The following ANGPTL5 variants were observed in gnomAD, a reference collection of about 807,000 sequenced individuals.
ANGPTL5 encodes angiopoietin like 5.
In ANGPTL5, 34 loss-of-function variants were observed where a neutral mutation model predicts 39.4. That is an observed-to-expected ratio of 0.86 (90% CI 0.66 to 1.15). The LOEUF is 1.15. ANGPTL5 is among the 50% of genes most tolerant of loss of function. The pLI is 0.00. For missense variants in ANGPTL5, 467 were observed against 457.5 expected (o/e 1.02, Z -0.19); for synonymous variants, 146 against 152.1 (o/e 0.96, Z 0.29).
chr11:101,906,164 T>C (rs1939994197), intron 3 of ANGPTL5, among the ~76,000 whole-genome samples: 1 of 152,144 alleles, frequency 6.6e-6, no homozygotes. Context: ...ATGAGATATA[T>C]AGAGGCAGGA....
chr11:101,914,556 G>A (rs1340065141), intron 1 of ANGPTL5, among the ~76,000 whole-genome samples: 2 of 152,216 alleles, frequency 1.3e-5, no homozygotes, highest in East Asian at 1.9e-4. Flanking sequence ...GCATTACCGA[G>A]TGGATGAGAG....
At chr11:101,901,758 G>C (rs1469286555) in intron 6 of ANGPTL5, among the ~76,000 whole-genome samples, 1 of 151,858 alleles carries the variant, frequency 6.6e-6, no homozygotes, top group Non-Finnish European at 1.5e-5. Flanking sequence ...CCAATTTTTT[G>C]ACATCTTGTC....
At chr11:101,907,571 T>C (rs1234767896) in intron 2 of ANGPTL5, among the ~76,000 whole-genome samples, 5 of 152,150 alleles carry the variant, frequency 3.3e-5, no homozygotes, top group Non-Finnish European at 7.4e-5. Flanking sequence ...TGTGGGCTAG[T>C]TTTTAATCTA....
chr11:101,907,292 G>A (rs1207275014), intron 2 of ANGPTL5, 45 bp from the exon 3 acceptor site: 1 of 1,205,492 alleles, frequency 8.3e-7, no homozygotes, highest in South Asian at 1.5e-5. Context: ...CATTAAACAT[G>A]TTATATGACC....
At position 101,902,653 on chromosome 11, in the gene ANGPTL5, T is replaced by C. The variant is rs1939925296; in HGVS notation, c.508A>G (p.Ile170Val). The C allele has an allele frequency of 1.2e-6, 2 of 1,610,500 alleles. No homozygotes were observed. Among genetic ancestry groups the C allele is most frequent in the South Asian group, 1.1e-5 (1 of 90,876 alleles). Reference protein sequence around the residue: ...VTKTPSGLYIIHPEGSSYPFE... With the variant: ...VTKTPSGLYIVHPEGSSYPFE... The stretch of plus-strand genomic sequence containing the variant: ...GGGTAGCTAGATCCTTCTGGGTGAA[T>C]TATGTATAAACCACTCGGTGTTTTG... The change falls in exon 6 of 9, where the codon ATT becomes GTT. Residue 170 changes from isoleucine to valine, a missense_variant. Ile to Val is a conservative substitution (Grantham distance 29). Transcript: ENST00000334289.
rs1241606976 is a variant in ANGPTL5, at chr11:101,891,344, A to G, written c.1102T>C (p.Ser368Pro). 1 of 1,613,984 alleles carries G rather than the reference A, an allele frequency of 6.2e-7. No individual in the cohort carries two copies. The highest frequency in any genetic ancestry group is 8.5e-7 in the Non-Finnish European group (1 of 1,179,942). Residue 368 changes from serine (S) to proline (P), a missense_variant, in exon 9 of 9, where the codon TCA (serine) becomes CCA (proline). Physicochemically the swap from Ser to Pro is moderately conservative, Grantham distance 74. Transcript: ENST00000334289. The stretch of plus-strand genomic sequence containing the variant: ...GAAACAGATTTAATCTTGACAGGTG[A>G]GTTGTTTTTGGTCCACGTGCCCCAT... Reference protein sequence around the residue: ...IQWGTWTKNNSPVKIKSVSMK... With the variant: ...IQWGTWTKNNPPVKIKSVSMK...
At chr11:101,892,993 C>T (rs1939728714) in intron 8 of ANGPTL5, among the ~76,000 whole-genome samples, 2 of 152,254 alleles carry the variant, frequency 1.3e-5, no homozygotes, top group South Asian at 4.1e-4. Flanking sequence ...CAGTGTGATA[C>T]TTTTCCAAAG....
chr11:101,895,964 G>C (rs1939784072), intron 7 of ANGPTL5, among the ~76,000 whole-genome samples: 1 of 151,918 alleles, frequency 6.6e-6, no homozygotes, highest in Non-Finnish European at 1.5e-5. Flanking sequence ...GAGCTCACAG[G>C]GGCAGACATT....
chr11:101,897,294 A>G (rs566036199), intron 7 of ANGPTL5, among the ~76,000 whole-genome samples: 23 of 151,684 alleles, frequency 1.5e-4, no homozygotes, highest in Non-Finnish European at 3.2e-4. Context: ...ATTTTCTCCC[A>G]CTCTGCAGGT....
rs772847823 is a variant in ANGPTL5, at chr11:101,895,035, A to G, written c.691T>C (p.Phe231Leu). The G allele has an allele frequency of 6.2e-7, 1 of 1,604,172 alleles. No homozygotes were observed. The highest frequency in any genetic ancestry group is 1.1e-5 in the South Asian group (1 of 88,572). Residue 231 changes from phenylalanine (F) to leucine (L), a missense_variant, in exon 8 of 9, where the codon TTT becomes CTT. Transcript: ENST00000334289. ...GEFWLGLKKI[F>L]YIVNQKNTSF... ...GTATTTTTCTGATTTACTATATAAA[A>G]AATCTTTTTCAGTCCTAGCCAAAAT... is the stretch of plus-strand genomic sequence containing the variant.
In ANGPTL5 at chr11:101,914,872, A is replaced by G. The variant is rs534465202; in HGVS notation, c.-93+1147T>C. ...ACACTCAGCTCACCCCTCGCGCAAC[A>G]ACCCGGGTCCCTAGGGATGCTTGGG... is the stretch of plus-strand genomic sequence containing the variant. On this transcript the variant is annotated intron_variant, in intron 1 of 8. Transcript: ENST00000334289. The G allele has an allele frequency of 1.7e-5, 3 of 177,034 alleles. No homozygotes were observed. In the South Asian group the frequency reaches 5.5e-4, roughly 33 times the overall value. 11.0% of individuals were successfully genotyped at this position (177,034 alleles called of 1,614,324 possible). A position where few individuals can be genotyped will look rare whatever the true frequency, so the allele number is the denominator to read the frequency against.
chr11:101,904,798 A>G lies in ANGPTL5; in HGVS notation c.439+16T>C, dbSNP rs747808111. On this transcript the variant is annotated intron_variant, in intron 5 of 8. Coordinates refer to ENST00000334289, the MANE Select transcript of ANGPTL5 (RefSeq NM_178127.5). ...AAAAGACAAACATGAAAAGGCTGAAATACCAAAGTTCTCACCATGTGACTG... is the reference window on the plus strand; with the variant it reads ...AAAAGACAAACATGAAAAGGCTGAAGTACCAAAGTTCTCACCATGTGACTG... 3.1e-6 allele frequency: 5 copies of G among 1,604,004 alleles called. No homozygotes were observed. Among genetic ancestry groups the G allele is most frequent in the Non-Finnish European group, 4.3e-6 (5 of 1,170,898 alleles).
In ANGPTL5 at chr11:101,907,979, A is replaced by G. The variant is rs1661410; in HGVS notation, c.-70T>C. 429,329 of 1,126,234 alleles carry G rather than the reference A, an allele frequency of 0.38. 85,686 individuals are homozygous for G. Among genetic ancestry groups the G allele is most frequent in the East Asian group, 0.48 (19,306 of 40,242 alleles). The allele number at this position is 1,126,234 out of a possible 1,614,324, so 69.8% of individuals were successfully genotyped here. ...CTCTTTGTGGAAAGAACTACAGAGC[A>G]TAGAGTCTTCAGTTAAAAACCTCTG... On this transcript the variant is annotated 5_prime_UTR_variant, in exon 2 of 9. The change abolishes an upstream ATG in the 5' untranslated region. Coordinates refer to ENST00000334289, the MANE Select transcript of ANGPTL5 (RefSeq NM_178127.5).
Position 101,891,317 on chromosome 11 carries a change from T to C in ANGPTL5, c.1129A>G (p.Met377Val). Residue 377 changes from methionine (M) to valine (V), a missense_variant, in exon 9 of 9, where the codon ATG becomes GTG. Transcript: ENST00000334289. Reference sequence around the variant, plus strand: ...GGATTGTACATTCTTCTAATTTTCATTGAAACAGATTTAATCTTGACAGGT... The same window carrying C: ...GGATTGTACATTCTTCTAATTTTCACTGAAACAGATTTAATCTTGACAGGT... ...NSPVKIKSVS[M>V]KIRRMYNPYF... 5 of 1,613,680 alleles carry C rather than the reference T, an allele frequency of 3.1e-6. No homozygotes were observed. In the South Asian group the frequency reaches 3.3e-5, roughly 11 times the overall value.
chr11:101,894,026 A>G (rs1468221720), intron 8 of ANGPTL5, among the ~76,000 whole-genome samples: 1 of 152,204 alleles, frequency 6.6e-6, no homozygotes, highest in Non-Finnish European at 1.5e-5. Flanking sequence ...AAAGCTTCCC[A>G]TGTTGAATCT....
At chr11:101,911,026 C>A (rs1408113524) in intron 1 of ANGPTL5, among the ~76,000 whole-genome samples, 1 of 144,990 alleles carries the variant, frequency 6.9e-6, no homozygotes, top group African/African-American at 2.5e-5. Context: ...GGGCCATGTA[C>A]CTCTACAATC....
chr11:101,907,813 C>G lies in ANGPTL5; in HGVS notation c.96+1G>C. On this transcript the variant is annotated splice_donor_variant, in intron 2 of 8. Coordinates refer to ENST00000334289, the MANE Select transcript of ANGPTL5 (RefSeq NM_178127.5). LOFTEE classifies it high-confidence loss of function. ...TAATATAATATTGCTAAAATTCTTA[C>G]CGTAGAATGATGTACACAGTTACCT... 6.3e-7 allele frequency: 1 copy of G among 1,577,102 alleles called. No individual in the cohort carries two copies. The highest frequency in any genetic ancestry group is 8.7e-7 in the Non-Finnish European group (1 of 1,147,142).
At chr11:101,904,727 TA>T in intron 5 of ANGPTL5, 86 bp downstream of exon 5, 1 of 1,231,456 alleles carries the variant, frequency 8.1e-7, no homozygotes, top group Non-Finnish European at 1.2e-6. Flanking sequence ...AGTTTTTAAA[TA>T]AAACTTTTAA....
At chr11:101,911,769 T>C (rs1471393573) in intron 1 of ANGPTL5, among the ~76,000 whole-genome samples, 1 of 152,206 alleles carries the variant, frequency 6.6e-6, no homozygotes, top group African/African-American at 2.4e-5. Context: ...CTCAGGTGTT[T>C]CTTTATAGCA....
Sources: allele counts gnomAD v4.1 joint callset (sites outside exome capture counted in the v4.1 genomes callset), GRCh38; gene constraint gnomAD v4.1.1; transcripts MANE v1.5; gene names NCBI Gene and HGNC (gene_info 2026-07-23, HGNC 2026-07-21).